The following DDX10 variants were observed in gnomAD, a reference collection of about 807,000 sequenced individuals.
DDX10 encodes the protein DEAD-box helicase 10, also known as probable ATP-dependent RNA helicase DDX10.
In DDX10, 74 loss-of-function variants were observed where a neutral mutation model predicts 104.3. That is an observed-to-expected ratio of 0.71 (90% CI 0.59 to 0.86). The LOEUF (loss-of-function observed/expected upper bound fraction) is 0.86. DDX10 is among the 40% of genes least tolerant of loss of function. The probability of loss-of-function intolerance (pLI) is 0.00; values close to 1 mark genes in which losing one functional copy is unlikely to be tolerated. For missense variants in DDX10, 952 were observed against 1,040.0 expected, an observed-to-expected ratio of 0.92 and a Z score of 1.16; for synonymous variants, 351 against 353.4, an observed-to-expected ratio of 0.99 and a Z score of 0.08.
In DDX10 at chr11:108,773,738, A is replaced by G. The variant is rs148776934; in HGVS notation, c.1965+50276A>G. On this transcript the variant is annotated intron_variant, in intron 13 of 17. Coordinates refer to ENST00000322536, the MANE Select transcript of DDX10 (RefSeq NM_004398.4). ...ATTGAGGACAAAATATAGTAAGGGC[A>G]TTTAATTTGCATCTTAGAGTTCCCT... is the stretch of plus-strand genomic sequence containing the variant. Among the ~76,000 whole-genome samples, 6 of 152,302 alleles carry G rather than the reference A, an allele frequency of 3.9e-5. No individual in the cohort carries two copies. In the East Asian group the frequency reaches 1.2e-3, roughly 29 times the overall value.
intron 13 of DDX10, among the ~76,000 whole-genome samples, chr11:108,740,277 C>A (rs1329748615): frequency 1.3e-5 from 2 of 152,088 alleles, no homozygotes; most frequent in African/African-American, 4.8e-5. Context: ...GGATAATGGC[C>A]TTTAGCTCCA....
intron 16 of DDX10, among the ~76,000 whole-genome samples, chr11:108,892,123 C>T (rs184162530): frequency 1.4e-3 from 215 of 152,192 alleles, no homozygotes; most frequent in Non-Finnish European, 2.7e-3. Context: ...TGATCGCCCC[C>T]GAGTGTTGGA....
intron 16 of DDX10, among the ~76,000 whole-genome samples, chr11:108,879,357 GC>G (rs1258223856): frequency 6.6e-6 from 1 of 152,110 alleles, no homozygotes; most frequent in Non-Finnish European, 1.5e-5. Flanking sequence ...AATAAGATTA[GC>G]TGTATTCTTA....
chr11:108,842,110 A>G (rs973391456), intron 15 of DDX10, among the ~76,000 whole-genome samples: 3 of 152,200 alleles, frequency 2.0e-5, no homozygotes, highest in African/African-American at 4.8e-5. Flanking sequence ...TAAAACTTCT[A>G]TAAAAATAAG....
At chr11:108,723,517 T>C in intron 13 of DDX10, 55 bp downstream of exon 13, 1 of 1,502,384 alleles carries the variant, frequency 6.7e-7, no homozygotes, top group Non-Finnish European at 8.9e-7. Context: ...TATGTGCTTA[T>C]TGTTGCCTTT....
chr11:108,704,631 C>T (rs1247311348), intron 9 of DDX10, among the ~76,000 whole-genome samples: 1 of 152,088 alleles, frequency 6.6e-6, no homozygotes, highest in Non-Finnish European at 1.5e-5. Flanking sequence ...ATGGTTTGGT[C>T]CCATACTGCT....
At chr11:108,822,842 C>T (rs2134579137) in intron 13 of DDX10, among the ~76,000 whole-genome samples, 1 of 152,322 alleles carries the variant, frequency 6.6e-6, no homozygotes, top group East Asian at 1.9e-4. Context: ...AATTATGATT[C>T]ACAGAGGAAG....
At chr11:108,767,528 C>T (rs2094357733) in intron 13 of DDX10, 1 of 152,202 alleles carries the variant, frequency 6.6e-6, no homozygotes, top group African/African-American at 2.4e-5. Context: ...TCTTAGTTTT[C>T]AGTAGTCAAT....
intron 13 of DDX10, among the ~76,000 whole-genome samples, chr11:108,827,586 A>T (rs1209718824): frequency 1.3e-5 from 2 of 152,340 alleles, no homozygotes; most frequent in Non-Finnish European, 2.9e-5. Flanking sequence ...GAGACTTCTT[A>T]AACGATTATA....
At chr11:108,884,314 C>T (rs1264789936) in intron 16 of DDX10, among the ~76,000 whole-genome samples, 2 of 152,188 alleles carry the variant, frequency 1.3e-5, no homozygotes, top group Non-Finnish European at 2.9e-5. Context: ...ACATACCAGG[C>T]ACATGGCTAC....
chr11:108,681,245 A>T (rs1409884249), intron 6 of DDX10, among the ~76,000 whole-genome samples: 3 of 152,188 alleles, frequency 2.0e-5, no homozygotes, highest in Admixed American at 2.0e-4. Context: ...GTAAATTACA[A>T]AGTTTTAGAA....
intron 13 of DDX10, among the ~76,000 whole-genome samples, chr11:108,741,368 A>G (rs1009482194): frequency 1.3e-5 from 2 of 152,114 alleles, no homozygotes; most frequent in Admixed American, 1.3e-4. Flanking sequence ...TTAGATAGGA[A>G]TAGCATTGAA....
intron 16 of DDX10, among the ~76,000 whole-genome samples, chr11:108,856,826 T>C (rs1205417020): frequency 6.6e-6 from 1 of 152,084 alleles, no homozygotes; most frequent in East Asian, 1.9e-4. Flanking sequence ...AGTATTATAT[T>C]GAGTGACCTA....
intron 16 of DDX10, among the ~76,000 whole-genome samples, chr11:108,902,047 T>A (rs1863523468): frequency 6.6e-6 from 1 of 152,148 alleles, no homozygotes; most frequent in Admixed American, 6.5e-5. Context: ...AGACATAAAA[T>A]CAGATTTTCT....
chr11:108,703,474 C>T (rs550485300), intron 9 of DDX10, among the ~76,000 whole-genome samples: 25 of 152,140 alleles, frequency 1.6e-4, no homozygotes, highest in Admixed American at 1.4e-3. Flanking sequence ...GGACTACAGC[C>T]GTGTGCCACC....
chr11:108,887,862 G>A (rs1282099057), intron 16 of DDX10, among the ~76,000 whole-genome samples: 2 of 152,000 alleles, frequency 1.3e-5, no homozygotes, highest in African/African-American at 4.8e-5. Context: ...AGAGATTGCG[G>A]TGAGCCGCGA....
chr11:108,837,381 C>A (rs1862569430), intron 13 of DDX10, among the ~76,000 whole-genome samples: 1 of 152,078 alleles, frequency 6.6e-6, no homozygotes, highest in African/African-American at 2.4e-5. Context: ...GGAGGATAAT[C>A]CAAATCCTCA....
intron 16 of DDX10, 40 bp from the exon 17 acceptor site, chr11:108,917,833 G>C: frequency 3.1e-6 from 5 of 1,601,088 alleles, no homozygotes; most frequent in Non-Finnish European, 4.3e-6. Context: ...TTTATCAACT[G>C]ACTTCTTCAA....
chr11:108,689,028 A>T lies in DDX10; in HGVS notation c.941A>T (p.Lys314Met). 1 of 1,614,154 alleles carries T rather than the reference A, an allele frequency of 6.2e-7. No homozygotes were observed. The highest frequency in any genetic ancestry group is 1.1e-5 in the South Asian group (1 of 91,080). ...TCCTTTTTGAGAAGCCATCTGAAGA[A>T]GAAGAGCATTGTATTTTTTTCCAGT... ...LYSFLRSHLKKKSIVFFSSCK... is the reference protein window; with the variant it reads ...LYSFLRSHLKMKSIVFFSSCK... The change falls in exon 7 of 18, where the codon AAG becomes ATG. Residue 314 changes from lysine to methionine, a missense_variant. By Grantham distance (95) the Lys-to-Met change is moderately conservative. Transcript: ENST00000322536.
Sources: gnomAD v4.1 joint callset for allele counts (sites outside exome capture counted in the v4.1 genomes callset) on GRCh38, gnomAD v4.1.1 for gene constraint, MANE v1.5 for transcripts, NCBI Gene and HGNC (gene_info 2026-07-23, HGNC 2026-07-21) for gene names.